Variants in ZNF473 observed in about 807,000 individuals in gnomAD.
ZNF473 encodes the protein zinc finger protein 100 homolog.
ZNF473 carries 4 observed loss-of-function variants against 11.1 expected under a neutral mutation model. The ratio of observed to expected loss-of-function variants is 0.36; its 90% confidence interval spans 0.18 to 0.82. ZNF473 has a LOEUF of 0.82. Ranked by LOEUF, ZNF473 falls within the 40% of genes least tolerant of loss-of-function variation. ZNF473 has a pLI of 0.49. For synonymous variants in ZNF473, 404 were observed against 390.4 expected, an observed-to-expected ratio of 1.03 and a Z score of -0.41; for missense variants, 854 against 1,084.0, an observed-to-expected ratio of 0.79 and a Z score of 2.98.
chr19:50,038,075 CA>C (rs1978558651), intron 2 of ZNF473, among the ~76,000 whole-genome samples: 1 of 146,894 alleles, frequency 6.8e-6, no homozygotes, highest in Admixed American at 6.9e-5. Context: ...GGTGCGATCA[CA>C]GCTCACTGTA....
intron 2 of ZNF473, among the ~76,000 whole-genome samples, chr19:50,034,146 A>G (rs2077332922): frequency 6.6e-6 from 1 of 152,194 alleles, no homozygotes; most frequent in South Asian, 2.1e-4. Context: ...CCAGCTGTTC[A>G]GGCTAAAAAC....
rs1475898264 is a variant in ZNF473 at position 50,039,433 on chromosome 19, G to A, written c.136+146G>A. The A allele has an allele frequency of 2.7e-6, 3 of 1,109,366 alleles. No individual in the cohort carries two copies. The highest frequency in any genetic ancestry group is 3.8e-6 in the Non-Finnish European group (3 of 786,042). 68.7% of individuals were successfully genotyped at this position (1,109,366 alleles called of 1,614,324 possible). A position where few individuals can be genotyped will look rare whatever the true frequency, so the allele number is the denominator to read the frequency against. On this transcript the variant is annotated intron_variant, in intron 3 of 4. Transcript: ENST00000270617. This position sits in a 1 kb window ranked among gnomAD's most constrained non-coding sequence, Gnocchi z 4.8. ...CCAGCAGTTCTCAGCTGGCCGAGGA[G>A]ACATTGGCAATGTGTGGAGACATTT...
At chr19:50,026,771 G>A (rs117808732) in intron 1 of ZNF473, among the ~76,000 whole-genome samples, 287 of 152,128 alleles carry the variant, frequency 1.9e-3, no homozygotes, top group Non-Finnish European at 3.9e-3. Context: ...AACCCAGGAG[G>A]CAGAGGTTGC....
chr19:50,031,249 G>T (rs2077316572), intron 2 of ZNF473, among the ~76,000 whole-genome samples, 158 bp downstream of exon 2: 1 of 152,128 alleles, frequency 6.6e-6, no homozygotes, highest in African/African-American at 2.4e-5. Flanking sequence ...CCTGTCCCAT[G>T]GTGGCTCCCA....
chr19:50,038,528 G>C (rs1222376041), intron 2 of ZNF473, among the ~76,000 whole-genome samples: 3 of 152,170 alleles, frequency 2.0e-5, no homozygotes, highest in African/African-American at 7.2e-5. Flanking sequence ...GCCACACTCA[G>C]AACATGGGAC....
At chr19:50,037,658 CAA>C (rs67239809) in intron 2 of ZNF473, among the ~76,000 whole-genome samples, 24 of 138,526 alleles carry the variant, frequency 1.7e-4, no homozygotes, top group Admixed American at 7.2e-4. Context: ...CCTACTCTAC[CAA>C]AAAAAAAAAA....
At chr19:50,036,515 G>A (rs1978454634) in intron 2 of ZNF473, among the ~76,000 whole-genome samples, 2 of 150,030 alleles carry the variant, frequency 1.3e-5, no homozygotes, top group African/African-American at 4.9e-5. Flanking sequence ...TAGTAGAGGC[G>A]GGGTTTCACT....
intron 4 of ZNF473, 163 bp downstream of exon 4, chr19:50,041,982 G>A (rs911197599): frequency 5.5e-6 from 3 of 547,862 alleles, no homozygotes; most frequent in Middle Eastern, 5.0e-4. Context: ...CTGGGAGCTG[G>A]GGGGATCAGG....
In ZNF473 at chr19:50,046,933, C is replaced by T. The variant is rs765367654; in HGVS notation, c.2490C>T (p.Asn830=). ...CTTTTGTCCTCAGTGCCCATCTCAACCAGCACCTGAGAGTTCACACCCAGG... is the reference window on the plus strand; with the variant it reads ...CTTTTGTCCTCAGTGCCCATCTCAATCAGCACCTGAGAGTTCACACCCAGG... ...GKAFVLSAHL[N]QHLRVHTQET... is the part of the protein sequence containing the mutation. Residue 830 remains asparagine, a synonymous_variant, in exon 5 of 5, where the codon AAC becomes AAT. Coordinates refer to ENST00000270617, the MANE Select transcript of ZNF473 (RefSeq NM_015428.4). The surrounding 1 kb of genome is among the most constrained non-coding windows in gnomAD (Gnocchi z 5.9). 4.0e-5 allele frequency: 64 copies of T among 1,614,178 alleles called. No individual in the cohort carries two copies. Among genetic ancestry groups the T allele is most frequent in the Non-Finnish European group, 5.4e-5 (64 of 1,180,028 alleles).
rs143325469 is a variant in ZNF473, at chr19:50,028,323, ATT to A, written c.-192+2209_-192+2210del. On this transcript the variant is annotated intron_variant, in intron 1 of 4. Transcript: ENST00000270617. ...AAAAAAAAAAAAAAAAACAAATTTA[ATT>A]TTTTTTTGGAGGCAGGATCTTTCTC... 2.2e-4 allele frequency among the ~76,000 whole-genome samples: 33 copies of A among 148,222 alleles called. 1 individual carries two copies. The highest frequency in any genetic ancestry group is 2.1e-4 in the South Asian group (1 of 4,706).
intron 4 of ZNF473, among the ~76,000 whole-genome samples, chr19:50,044,116 G>C (rs1978936808): frequency 6.6e-6 from 1 of 152,246 alleles, no homozygotes; most frequent in Middle Eastern, 3.4e-3. Context: ...GAGAGAGAGA[G>C]AGACAGACAA....
intron 2 of ZNF473, among the ~76,000 whole-genome samples, chr19:50,035,213 G>A (rs1466353145): frequency 6.6e-6 from 1 of 151,900 alleles, no homozygotes; most frequent in African/African-American, 2.4e-5. Flanking sequence ...TATCACAGGA[G>A]CCCAAGAAGG....
rs1979194419 is a variant in ZNF473, at chr19:50,047,248, A to C, written c.*189A>C. The C allele has an allele frequency of 1.7e-6, 1 of 599,732 alleles. No homozygotes were observed. Among genetic ancestry groups the C allele is most frequent in the Non-Finnish European group, 2.9e-6 (1 of 347,882 alleles). The allele number at this position is 599,732 out of a possible 1,614,324, so 37.2% of individuals were successfully genotyped here. ...GAAGCTGTACAACGTCAGGATTCAG[A>C]GGTAGGCTCTGGAGCCAGTCTACCT... On this transcript the variant is annotated 3_prime_UTR_variant, in exon 5 of 5. Coordinates refer to ENST00000270617, the MANE Select transcript of ZNF473 (RefSeq NM_015428.4).
At position 50,045,316 on chromosome 19, in the gene ZNF473, A is replaced by G. The variant is rs769782508; in HGVS notation, c.873A>G (p.Pro291=). The change falls in exon 5 of 5, where the codon CCA becomes CCG. Residue 291 remains proline (P), a synonymous_variant. Coordinates refer to ENST00000270617, the MANE Select transcript of ZNF473 (RefSeq NM_015428.4). ...AGAAAACTCACACTGGAGAAAAACC[A>G]TGTAAGAGTCAAGATAGTGACCACC... ...WHQKTHTGEK[P]CKSQDSDHPP... The G allele has an allele frequency of 1.2e-6, 2 of 1,614,192 alleles. No homozygotes were observed. The highest frequency in any genetic ancestry group is 2.7e-5 in the African/African-American group (2 of 75,032).
Position 50,046,891 on chromosome 19 carries a change from T to C in ZNF473, c.2448T>C (p.Cys816=), listed in dbSNP as rs1226508169. The C allele has an allele frequency of 6.2e-7, 1 of 1,614,082 alleles. No homozygotes were observed. The highest frequency in any genetic ancestry group is 1.3e-5 in the African/African-American group (1 of 74,916). Residue 816 remains cysteine, a synonymous_variant, in exon 5 of 5, where the codon TGT becomes TGC. Transcript: ENST00000270617. The surrounding 1 kb of genome is among the most constrained non-coding windows in gnomAD (Gnocchi z 5.9). ...RIHTGEKPYS[C]NVCGKAFVLS... is the part of the protein sequence containing the mutation. ...ACACAGGGGAGAAGCCTTACTCCTGTAATGTGTGTGGCAAAGCTTTTGTCC... is the reference window on the plus strand; with the variant it reads ...ACACAGGGGAGAAGCCTTACTCCTGCAATGTGTGTGGCAAAGCTTTTGTCC...
At chr19:50,032,530 T>C (rs190636083) in intron 2 of ZNF473, among the ~76,000 whole-genome samples, 2 of 152,256 alleles carry the variant, frequency 1.3e-5, no homozygotes, top group Non-Finnish European at 2.9e-5. Flanking sequence ...AACAAGTATT[T>C]ACTCTGTGCC....
intron 2 of ZNF473, among the ~76,000 whole-genome samples, chr19:50,035,452 C>CGTGTGTGTGTGTGTGTGTGT (rs3222106): frequency 4.8e-4 from 67 of 138,492 alleles, no homozygotes; most frequent in Middle Eastern, 3.5e-3. Flanking sequence ...TTCTTTCATA[C>CGTGTGTGTGTGTGTGTGTGT]GTGTGTGTGT....
At chr19:50,043,444 A>AT (rs1978889136) in intron 4 of ZNF473, 1 of 107,422 alleles carries the variant, frequency 9.3e-6, no homozygotes, top group Admixed American at 9.9e-5. Context: ...AAAAAAAAAA[A>AT]AAAAATATAT....
At chr19:50,034,226 C>T (rs552456147) in intron 2 of ZNF473, among the ~76,000 whole-genome samples, 10 of 152,068 alleles carry the variant, frequency 6.6e-5, no homozygotes, top group Admixed American at 6.6e-4. Context: ...TTGTCAGCAC[C>T]GTTATCTGAA....
Sources: gnomAD v4.1 joint callset for allele counts (sites outside exome capture counted in the v4.1 genomes callset) on GRCh38, gnomAD v4.1.1 for gene constraint, Gnocchi (gnomAD v3.1) non-coding constraint, MANE v1.5 for transcripts, NCBI Gene and HGNC (gene_info 2026-07-23, HGNC 2026-07-21) for gene names.